The following GABARAPL2 variants were observed in gnomAD, a reference collection of about 807,000 sequenced individuals.
GABARAPL2 encodes the protein GABA type A receptor associated protein like 2, also known as gamma-aminobutyric acid receptor-associated protein-like 2.
GABARAPL2 carries 11 observed loss-of-function variants against 16.9 expected under a neutral mutation model. The observed-to-expected ratio is 0.65, with a 90% CI of 0.41 to 1.08. The LOEUF is 1.08. GABARAPL2 is among the 50% of genes least tolerant of loss of function. GABARAPL2 has a pLI of 0.00. For synonymous variants in GABARAPL2, 57 were observed against 50.7 expected, an observed-to-expected ratio of 1.12 and a Z score of -0.53; for missense variants, 134 against 142.5, an observed-to-expected ratio of 0.94 and a Z score of 0.30.
In GABARAPL2 at chr16:75,577,559, GTTT is replaced by G; in HGVS notation, c.*193_*195del. 1 of 516,822 alleles carries G rather than the reference GTTT, an allele frequency of 1.9e-6. No individual in the cohort carries two copies. Among genetic ancestry groups the G allele is most frequent in the Non-Finnish European group, 3.5e-6 (1 of 289,698 alleles). The allele number at this position is 516,822 out of a possible 1,614,324, so 32.0% of individuals were successfully genotyped here. On this transcript the variant is annotated 3_prime_UTR_variant, in exon 4 of 4. Coordinates refer to ENST00000037243, the MANE Select transcript of GABARAPL2 (RefSeq NM_007285.7). ...ATTATCATACAGAGTTTTATTTTGA[GTTT>G]TTCTTTTTGTGCATTGTCCTCATGC...
rs1438797561 is a variant in GABARAPL2, at chr16:75,577,346, G to C, written c.331G>C (p.Gly111Arg). ...TGGATTCTTATATGTGGCCTACAGC[G>C]GAGAGAACACTTTTGGCTTCTGAGG... is the stretch of plus-strand genomic sequence containing the variant. The part of the protein sequence containing the change: ...EDGFLYVAYS[G>R]ENTFGF Residue 111 changes from glycine to arginine, a missense_variant, in exon 4 of 4, where the codon GGA (glycine) becomes CGA (arginine). Gly to Arg is a moderately radical substitution (Grantham distance 125, BLOSUM62 -2). Transcript: ENST00000037243. 6.2e-7 allele frequency: 1 copy of C among 1,610,736 alleles called. No homozygotes were observed. The highest frequency in any genetic ancestry group is 1.1e-5 in the South Asian group (1 of 90,992).
At chr16:75,568,296 C>G in intron 3 of GABARAPL2, 87 bp downstream of exon 3, 2 of 888,964 alleles carry the variant, frequency 2.2e-6, no homozygotes, top group South Asian at 3.7e-5. Flanking sequence ...AGTCTGAAAA[C>G]TCTTAGGGGT....
Position 75,577,638 on chromosome 16 carries a change from T to C in GABARAPL2, c.*269T>C. On this transcript the variant is annotated 3_prime_UTR_variant, in exon 4 of 4. Transcript: ENST00000037243. ...TCTGGAAATCATATTGAATGATATT[T>C]CTATATCGAAGTGAGGTAGGTGCGG... is the stretch of plus-strand genomic sequence containing the variant. The C allele has an allele frequency of 3.0e-6, 1 of 335,978 alleles. No homozygotes were observed. Among genetic ancestry groups the C allele is most frequent in the Non-Finnish European group, 5.5e-6 (1 of 181,746 alleles). 20.8% of individuals were successfully genotyped at this position (335,978 alleles called of 1,614,324 possible). A position where few individuals can be genotyped will look rare whatever the true frequency, so the allele number is the denominator to read the frequency against.
In GABARAPL2 at chr16:75,566,408, C is replaced by T. The variant is rs2080882074; in HGVS notation, c.-79C>T. On this transcript the variant is annotated 5_prime_UTR_variant, in exon 1 of 4. Coordinates refer to ENST00000037243, the MANE Select transcript of GABARAPL2 (RefSeq NM_007285.7). ...GCCGCCGTCGCTGCCGCTGCCGCTG[C>T]CGCCGTCGTTGTTGTTGTGCTCGGT... The T allele has an allele frequency of 3.6e-6, 4 of 1,104,668 alleles. No homozygotes were observed. The highest frequency in any genetic ancestry group is 1.3e-5 in the South Asian group (1 of 75,790). 68.4% of individuals were successfully genotyped at this position (1,104,668 alleles called of 1,614,324 possible).
Position 75,566,440 on chromosome 16 carries a change from A to C in GABARAPL2, c.-47A>C. ...CGTTGTTGTTGTGCTCGGTGCGCTGAGCTCCGCGGCTCCGCGAGCCGGTTC... is the reference window on the plus strand; with the variant it reads ...CGTTGTTGTTGTGCTCGGTGCGCTGCGCTCCGCGGCTCCGCGAGCCGGTTC... On this transcript the variant is annotated 5_prime_UTR_variant, in exon 1 of 4. Coordinates refer to ENST00000037243, the MANE Select transcript of GABARAPL2 (RefSeq NM_007285.7). 7.0e-7 allele frequency: 1 copy of C among 1,432,432 alleles called. No homozygotes were observed. The allele number at this position is 1,432,432 out of a possible 1,614,324, so 88.7% of individuals were successfully genotyped here. A position where few individuals can be genotyped will look rare whatever the true frequency, so the allele number is the denominator to read the frequency against.
intron 2 of GABARAPL2, among the ~76,000 whole-genome samples, chr16:75,567,280 C>G (rs1301245921): frequency 6.6e-6 from 1 of 152,206 alleles, no homozygotes; most frequent in Non-Finnish European, 1.5e-5. Context: ...GGACGTTCAT[C>G]TTTTACTTTG....
At chr16:75,575,506 G>C (rs1022185910) in intron 3 of GABARAPL2, 10 of 152,280 alleles carry the variant, frequency 6.6e-5, no homozygotes, top group Admixed American at 3.9e-4. Flanking sequence ...CTGGAGTGCA[G>C]TGGCACGATC....
At chr16:75,566,577 TC>T in intron 1 of GABARAPL2, 57 bp downstream of exon 1, 1 of 1,580,250 alleles carries the variant, frequency 6.3e-7, no homozygotes, top group Non-Finnish European at 8.6e-7. Context: ...GTGGGCCCCC[TC>T]CCCCACTCGG....
chr16:75,574,036 A>C (rs561979394), intron 3 of GABARAPL2, among the ~76,000 whole-genome samples: 2 of 152,366 alleles, frequency 1.3e-5, no homozygotes, highest in Non-Finnish European at 2.9e-5. Context: ...TAAACAAATT[A>C]ATGAACCCAA....
rs1338567244 is a variant in GABARAPL2 at position 75,577,198 on chromosome 16, A to AATTC, written c.264-80_264-77dup. 3.6e-6 allele frequency: 3 copies of AATTC among 840,268 alleles called. No homozygotes were observed. In the African/African-American group the frequency reaches 5.0e-5, roughly 14 times the overall value. 52.1% of individuals were successfully genotyped at this position (840,268 alleles called of 1,614,324 possible). A position where few individuals can be genotyped will look rare whatever the true frequency, so the allele number is the denominator to read the frequency against. On this transcript the variant is annotated intron_variant, in intron 3 of 3. Coordinates refer to ENST00000037243, the MANE Select transcript of GABARAPL2 (RefSeq NM_007285.7). ...GGTACTGACACCTGAAGTCTTACTA[A>AATTC]ATTCCTGTCCTCAGGCCATCCTTTT...
At chr16:75,566,678 C>T in intron 1 of GABARAPL2, 158 bp downstream of exon 1, 1 of 960,078 alleles carries the variant, frequency 1.0e-6, no homozygotes, top group Non-Finnish European at 1.6e-6. Flanking sequence ...GCCCCCTGAC[C>T]CCATGTCACC....
At chr16:75,577,038 C>A in intron 3 of GABARAPL2, 1 of 403,234 alleles carries the variant, frequency 2.5e-6, no homozygotes. Flanking sequence ...GCCAAAGCCC[C>A]CTGAAGGAGC....
At chr16:75,566,665 G>A (rs918852886) in intron 1 of GABARAPL2, 145 bp downstream of exon 1, 5 of 1,005,358 alleles carry the variant, frequency 5.0e-6, no homozygotes, top group Non-Finnish European at 7.4e-6. Flanking sequence ...GCCTCGGGCA[G>A]CGGCCCCCTG....
intron 2 of GABARAPL2, 95 bp from the exon 3 acceptor site, chr16:75,567,942 C>G (rs2080893643): frequency 2.3e-6 from 2 of 877,306 alleles, no homozygotes; most frequent in Non-Finnish European, 3.6e-6. Flanking sequence ...CCCCACCCAC[C>G]TCCTTGCCCA....
chr16:75,569,544 A>G (rs1289542279), intron 3 of GABARAPL2, among the ~76,000 whole-genome samples: 1 of 152,182 alleles, frequency 6.6e-6, no homozygotes, highest in Non-Finnish European at 1.5e-5. Flanking sequence ...CTTTCATAAC[A>G]TCTGCAACTT....
chr16:75,574,705 C>T (rs2080937040), intron 3 of GABARAPL2, among the ~76,000 whole-genome samples: 1 of 152,074 alleles, frequency 6.6e-6, no homozygotes, highest in African/African-American at 2.4e-5. Flanking sequence ...TCCCTTCTCC[C>T]CCCCAACAAA....
intron 2 of GABARAPL2, among the ~76,000 whole-genome samples, chr16:75,567,726 G>A (rs572645408): frequency 1.3e-5 from 2 of 152,234 alleles, no homozygotes; most frequent in East Asian, 3.9e-4. Context: ...CTGGAGTAAC[G>A]GGCCATGGAT....
rs1479896754 is a variant in GABARAPL2 at position 75,574,136 on chromosome 16, CAG to C, written c.264-3140_264-3139del. Among the ~76,000 whole-genome samples, 20 of 152,320 alleles carry C rather than the reference CAG, an allele frequency of 1.3e-4. No individual in the cohort carries two copies. The East Asian group carries it at 3.7e-3, about 28-fold the overall frequency. ...TCCTGTCCTGCCAAGAGTCAGGGCT[CAG>C]AGTCTCACGACCTGCCTTCAACAGT... On this transcript the variant is annotated intron_variant, in intron 3 of 3. Transcript: ENST00000037243.
chr16:75,569,599 T>A (rs995557466), intron 3 of GABARAPL2, among the ~76,000 whole-genome samples: 10 of 152,180 alleles, frequency 6.6e-5, no homozygotes, highest in Non-Finnish European at 1.3e-4. Context: ...CCTGGAGGTG[T>A]TGGCTTAGTG....
Sources: gnomAD v4.1 joint callset for allele counts (sites outside exome capture counted in the v4.1 genomes callset) on GRCh38, gnomAD v4.1.1 for gene constraint, MANE v1.5 for transcripts, NCBI Gene and HGNC (gene_info 2026-07-23, HGNC 2026-07-21) for gene names.